The following PHF11 variants were observed in gnomAD, a reference collection of about 807,000 sequenced individuals.
The protein encoded by PHF11 is BRCA1 C-terminus-associated protein.
In PHF11, 38 loss-of-function variants were observed where a neutral mutation model predicts 40.5. The ratio of observed to expected loss-of-function variants is 0.94; its 90% CI spans 0.72 to 1.23. PHF11 has a LOEUF of 1.23. Ranked by LOEUF, PHF11 falls within the 50% of genes most tolerant of loss-of-function variation. The pLI is 0.00. For synonymous variants in PHF11, 127 were observed against 138.2 expected (o/e 0.92, Z 0.57); for missense variants, 369 against 392.4 (o/e 0.94, Z 0.50).
At chr13:49,506,807 G>A (rs757301199) in intron 2 of PHF11, 51 bp downstream of exon 2, 78 of 1,378,300 alleles carry the variant, frequency 5.7e-5, no homozygotes, top group Non-Finnish European at 7.1e-5. Context: ...TTTAGTGTAG[G>A]ACACATAAGA....
At chr13:49,516,027 C>T (rs1350990271) in intron 3 of PHF11, among the ~76,000 whole-genome samples, 2 of 152,144 alleles carry the variant, frequency 1.3e-5, no homozygotes, top group South Asian at 4.1e-4. Context: ...AGACCCAAGG[C>T]CCTCTGCTTA....
intron 9 of PHF11, 90 bp from the exon 10 acceptor site, chr13:49,528,421 T>C: frequency 1.1e-6 from 1 of 891,518 alleles, no homozygotes; most frequent in Non-Finnish European, 1.7e-6. Flanking sequence ...TGTGTATCTG[T>C]ACCTGCAAGT....
chr13:49,523,499 C>T (rs1959201773), intron 7 of PHF11: 4 of 474,856 alleles, frequency 8.4e-6, no homozygotes, highest in Admixed American at 4.1e-5. Flanking sequence ...ACAGGCTTGC[C>T]TGAGCTCAGA....
At chr13:49,498,202 A>T (rs1026283888) in intron 1 of PHF11, among the ~76,000 whole-genome samples, 10 of 152,360 alleles carry the variant, frequency 6.6e-5, no homozygotes, top group African/African-American at 2.4e-4. Flanking sequence ...ATATTAAATA[A>T]TAGTAAGTCC....
At position 49,518,057 on chromosome 13, in the gene PHF11, T is replaced by A; in HGVS notation, c.364T>A (p.Cys122Ser). Residue 122 changes from cysteine (C) to serine (S), a missense_variant, in exon 4 of 10, where the codon TGT (cysteine) becomes AGT (serine). By Grantham distance (112) the Cys-to-Ser change is moderately radical. Transcript: ENST00000378319. ...TCATAAAAGAGGAGCCACCGTGGGATGTGATTTAAAAAACTGTAACAAGAA... is the reference window on the plus strand; with the variant it reads ...TCATAAAAGAGGAGCCACCGTGGGAAGTGATTTAAAAAACTGTAACAAGAA... ...FCHKRGATVG[C>S]DLKNCNKNYH... 6.3e-7 allele frequency: 1 copy of A among 1,592,180 alleles called. No individual in the cohort carries two copies. Among genetic ancestry groups the A allele is most frequent in the Non-Finnish European group, 8.6e-7 (1 of 1,162,098 alleles).
intron 3 of PHF11, among the ~76,000 whole-genome samples, chr13:49,513,811 G>C (rs1019893487): frequency 6.6e-6 from 1 of 152,150 alleles, no homozygotes; most frequent in Non-Finnish European, 1.5e-5. Flanking sequence ...TGAGTGGCTT[G>C]ATAATGTCAT....
intron 4 of PHF11, among the ~76,000 whole-genome samples, chr13:49,518,990 C>T (rs547211852): frequency 0.012 from 1,797 of 151,656 alleles, 8 homozygotes; most frequent in Non-Finnish European, 0.013. Context: ...CGCCCGCTAC[C>T]ACGCCCGGCT....
chr13:49,504,900 G>A (rs1485132820), intron 1 of PHF11, among the ~76,000 whole-genome samples: 51 of 149,436 alleles, frequency 3.4e-4, no homozygotes, highest in South Asian at 2.3e-3. Flanking sequence ...GGATCCTGTT[G>A]ATCTGTGACC....
In PHF11 at chr13:49,495,978, G is replaced by A. The variant is rs1331093198; in HGVS notation, c.-24G>A. 7 of 1,467,826 alleles carry A rather than the reference G, an allele frequency of 4.8e-6. No homozygotes were observed. The highest frequency in any genetic ancestry group is 1.5e-5 in the African/African-American group (1 of 68,702). The allele number at this position is 1,467,826 out of a possible 1,614,324, so 90.9% of individuals were successfully genotyped here. On this transcript the variant is annotated 5_prime_UTR_variant, in exon 1 of 10. Transcript: ENST00000378319. ...ACTTCCGGGATCTCGCTATCCGGCCGCCACCCGCAGCTGCAGCACAGTCAT... is the reference window on the plus strand; with the variant it reads ...ACTTCCGGGATCTCGCTATCCGGCCACCACCCGCAGCTGCAGCACAGTCAT...
chr13:49,526,718 T>C (rs1053994791), intron 9 of PHF11, among the ~76,000 whole-genome samples: 2 of 151,434 alleles, frequency 1.3e-5, no homozygotes, highest in African/African-American at 4.8e-5. Flanking sequence ...TGGAATATAG[T>C]GATTTTTGTC....
At chr13:49,521,309 G>C (rs1280325879) in intron 5 of PHF11, 1 of 995,024 alleles carries the variant, frequency 1.0e-6, no homozygotes, top group Non-Finnish European at 1.2e-6. Flanking sequence ...AATTCCCTAA[G>C]GATGCATGGT....
In PHF11 at chr13:49,506,669, G is replaced by A; in HGVS notation, c.129G>A (p.Arg43=). The part of the protein sequence containing the change: ...VFQVAEKMEK[R]TCALCPKDVE... ...AGGTTGCAGAAAAGATGGAAAAAAG[G>A]ACATGTGCACTCTGCCCCAAAGATG... Residue 43 remains arginine, a synonymous_variant, in exon 2 of 10, where the codon AGG becomes AGA. Coordinates refer to ENST00000378319, the MANE Select transcript of PHF11 (RefSeq NM_001040443.3). 1.2e-6 allele frequency: 2 copies of A among 1,612,036 alleles called. No homozygotes were observed. The highest frequency in any genetic ancestry group is 1.7e-6 in the Non-Finnish European group (2 of 1,178,326).
chr13:49,526,388 C>A lies in PHF11; in HGVS notation c.771C>A (p.Asp257Glu). The change falls in exon 9 of 10, where the codon GAC becomes GAA. Residue 257 changes from aspartate (D) to glutamate (E), a missense_variant and splice_region_variant. Transcript: ENST00000378319. Reference sequence around the variant, plus strand: ...TTGAAAATGTTTCTCTCCCTCCAGACTATGAAGAAATCGGGAGTGCACTTT... The same window carrying A: ...TTGAAAATGTTTCTCTCCCTCCAGAATATGAAGAAATCGGGAGTGCACTTT... ...KLMDETTSES[D>E]YEEIGSALFD... The A allele has an allele frequency of 6.2e-7, 1 of 1,600,174 alleles. No individual in the cohort carries two copies. Among genetic ancestry groups the A allele is most frequent in the Non-Finnish European group, 8.6e-7 (1 of 1,167,494 alleles).
intron 1 of PHF11, among the ~76,000 whole-genome samples, 180 bp from the exon 2 acceptor site, chr13:49,506,455 C>T (rs1958991163): frequency 6.6e-6 from 1 of 152,068 alleles, no homozygotes; most frequent in Admixed American, 6.6e-5. Context: ...CTTCTATTAG[C>T]ATAGTAAAAA....
Position 49,508,332 on chromosome 13 carries a change from A to G in PHF11, c.216+1576A>G, listed in dbSNP as rs143561719. 7.3e-3 allele frequency among the ~76,000 whole-genome samples: 892 copies of G among 122,974 alleles called. 5 individuals are homozygous for G. Among genetic ancestry groups the G allele is most frequent in the African/African-American group, 0.029 (813 of 27,656 alleles). 80.7% of individuals were successfully genotyped at this position (122,974 alleles called of 152,430 possible). A position where few individuals can be genotyped will look rare whatever the true frequency, so the allele number is the denominator to read the frequency against. The stretch of plus-strand genomic sequence containing the variant: ...TGCATTTTATATAATATATTACTAT[A>G]TTCATATATTACTATATTCATATAT... On this transcript the variant is annotated intron_variant, in intron 2 of 9. Coordinates refer to ENST00000378319, the MANE Select transcript of PHF11 (RefSeq NM_001040443.3).
At chr13:49,504,689 C>T (rs867318706) in intron 1 of PHF11, among the ~76,000 whole-genome samples, 18 of 151,558 alleles carry the variant, frequency 1.2e-4, no homozygotes, top group African/African-American at 3.4e-4. Flanking sequence ...CCCCTCTGCC[C>T]GGCCACCACC....
intron 9 of PHF11, among the ~76,000 whole-genome samples, chr13:49,527,700 T>C (rs1415813989): frequency 6.6e-6 from 1 of 152,184 alleles, no homozygotes; most frequent in Non-Finnish European, 1.5e-5. Context: ...CCATGTGTGT[T>C]TTTCTTTCAT....
Position 49,496,116 on chromosome 13 carries a change from CGGG to C in PHF11, c.94+22_94+24del. 4 of 218,840 alleles carry C rather than the reference CGGG, an allele frequency of 1.8e-5. No individual in the cohort carries two copies. The South Asian group carries it at 2.5e-4, about 14-fold the overall frequency. The allele number at this position is 218,840 out of a possible 1,614,324, so 13.6% of individuals were successfully genotyped here. On this transcript the variant is annotated intron_variant, in intron 1 of 9. Coordinates refer to ENST00000378319, the MANE Select transcript of PHF11 (RefSeq NM_001040443.3). ...CACCGGTGTGTACCGCGGGGGCGGG[CGGG>C]CGGGCGGGCGGGGCTGGGCAGCGAC...
intron 3 of PHF11, among the ~76,000 whole-genome samples, chr13:49,515,921 A>C (rs1223292645): frequency 1.3e-5 from 2 of 152,168 alleles, no homozygotes; most frequent in East Asian, 3.9e-4. Flanking sequence ...GATCATCCTG[A>C]GACTTCCCTG....
Sources: gnomAD v4.1 joint callset for allele counts (sites outside exome capture counted in the v4.1 genomes callset) on GRCh38, gnomAD v4.1.1 for gene constraint, MANE v1.5 for transcripts, NCBI Gene and HGNC (gene_info 2026-07-23, HGNC 2026-07-21) for gene names.